Variants in RNF25 observed in about 807,000 individuals in gnomAD.
The protein encoded by RNF25 is ring finger protein 25.
Under a neutral mutation model 65.0 loss-of-function variants are expected in RNF25, and 32 were observed. The observed-to-expected ratio is 0.49, with a 90% CI of 0.37 to 0.66. The LOEUF (loss-of-function observed/expected upper bound fraction) is 0.66, where lower values mean the gene tolerates loss of function less well. Among genes scored for constraint, RNF25 ranks in the 30% least tolerant of loss-of-function variants. The pLI is 0.00. For synonymous variants in RNF25, 207 were observed against 221.2 expected (o/e 0.94, Z 0.57); for missense variants, 493 against 584.8 (o/e 0.84, Z 1.62).
chr2:218,666,966 C>T lies in RNF25; in HGVS notation c.358-736G>A, dbSNP rs759291259. ...GGTGGATAACCTGAGGTCAGGAGTT[C>T]AAGACCAGCCTGGCCAACATGGAGA... On this transcript the variant is annotated intron_variant, in intron 5 of 9. Transcript: ENST00000295704. 1.8e-4 allele frequency among the ~76,000 whole-genome samples: 27 copies of T among 151,978 alleles called. 1 individual carries two copies. The highest frequency in any genetic ancestry group is 3.4e-4 in the Non-Finnish European group (23 of 67,990).
intron 5 of RNF25, among the ~76,000 whole-genome samples, chr2:218,667,190 A>T (rs1328066070): frequency 6.7e-6 from 1 of 149,512 alleles, no homozygotes; most frequent in Non-Finnish European, 1.5e-5. Flanking sequence ...AATTAAAATT[A>T]ATAAATAAAC....
At chr2:218,666,775 G>C (rs143628718) in intron 5 of RNF25, among the ~76,000 whole-genome samples, 1 of 152,236 alleles carries the variant, frequency 6.6e-6, no homozygotes, top group East Asian at 1.9e-4. Context: ...CTGCATTGTG[G>C]AGGCCTGACC....
rs758139341 is a variant in RNF25, at chr2:218,664,794, C to T, written c.746G>A (p.Gly249Glu). 5.0e-6 allele frequency: 8 copies of T among 1,614,262 alleles called. 1 individual carries two copies. The South Asian group carries it at 7.7e-5, about 16-fold the overall frequency. ...KRLYQRQQER[G>E]GIIDLEAERN... ...CTCAGCCTCAAGGTCAATGATTCCCCCCCGCTCCTGCTGCCTCTGGTAGAG... is the reference window on the plus strand; with the variant it reads ...CTCAGCCTCAAGGTCAATGATTCCCTCCCGCTCCTGCTGCCTCTGGTAGAG... The change falls in exon 9 of 10, where the codon GGG (glycine) becomes GAG (glutamate). Residue 249 changes from glycine to glutamate, a missense_variant. By Grantham distance (98) the Gly-to-Glu change is moderately conservative (BLOSUM62 -2). Coordinates refer to ENST00000295704, the MANE Select transcript of RNF25 (RefSeq NM_022453.3). This position sits in a 1 kb window ranked among gnomAD's most constrained non-coding sequence, Gnocchi z 5.1.
chr2:218,666,119 G>A (rs1439799539), intron 6 of RNF25, 40 bp downstream of exon 6: 1 of 1,611,152 alleles, frequency 6.2e-7, no homozygotes, highest in East Asian at 2.2e-5. Flanking sequence ...CTCATCTGCT[G>A]GTCCCAAACA....
At chr2:218,667,207 G>C (rs929333791) in intron 5 of RNF25, among the ~76,000 whole-genome samples, 9 of 151,270 alleles carry the variant, frequency 5.9e-5, no homozygotes, top group Non-Finnish European at 4.4e-5. Context: ...AAACAAACTA[G>C]GGGAAAATAA....
Position 218,665,205 on chromosome 2 carries a change from C to A in RNF25, c.616G>T (p.Val206Leu), listed in dbSNP as rs1302519500. 6.2e-7 allele frequency: 1 copy of A among 1,614,154 alleles called. No homozygotes were observed. Among genetic ancestry groups the A allele is most frequent in the Non-Finnish European group, 8.5e-7 (1 of 1,180,018 alleles). Residue 206 changes from valine to leucine, a missense_variant, in exon 8 of 10, where the codon GTG (valine) becomes TTG (leucine). By Grantham distance (32) the Val-to-Leu change is conservative (BLOSUM62 1). Transcript: ENST00000295704. ...GCTTTCAGTGAGGCAAGATCATACA[C>A]GAGGGGCTCTCTGCACACTGGACAC... is the stretch of plus-strand genomic sequence containing the variant. ...VQCPVCREPLVYDLASLKAAP... is the reference protein window; with the variant it reads ...VQCPVCREPLLYDLASLKAAP...
Position 218,664,299 on chromosome 2 carries a change from G to A in RNF25, c.1038C>T (p.Pro346=). The change falls in exon 10 of 10, where the codon CCC becomes CCT. Residue 346 remains proline, a synonymous_variant. Coordinates refer to ENST00000295704, the MANE Select transcript of RNF25 (RefSeq NM_022453.3). The surrounding 1 kb of genome is among the most constrained non-coding windows in gnomAD (Gnocchi z 5.1). ...MLDPPKPSRG[P]WRQPERRHPK... ...GGTGCCTCCGTTCGGGCTGTCGCCA[G>A]GGACCTCGACTGGGCTTGGGGGGAT... The A allele has an allele frequency of 6.2e-7, 1 of 1,611,310 alleles. No homozygotes were observed. Among genetic ancestry groups the A allele is most frequent in the Non-Finnish European group, 8.5e-7 (1 of 1,177,740 alleles).
chr2:218,671,215 T>C (rs1939958724), intron 1 of RNF25, among the ~76,000 whole-genome samples: 1 of 151,702 alleles, frequency 6.6e-6, no homozygotes, highest in South Asian at 2.1e-4. Context: ...TTAAGTATAT[T>C]ACAAATCCGT....
chr2:218,666,067 G>T lies in RNF25; in HGVS notation c.430-8C>A. The T allele has an allele frequency of 6.2e-7, 1 of 1,613,358 alleles. No individual in the cohort carries two copies. The highest frequency in any genetic ancestry group is 1.1e-5 in the South Asian group (1 of 91,036). ...GGTAAAGGCCTCCTTCTCCTAGAGG[G>T]AAGGCAGATGTAGGGCACTAAGTCA... On this transcript the variant is annotated splice_region_variant and splice_polypyrimidine_tract_variant and intron_variant, in intron 6 of 9. Coordinates refer to ENST00000295704, the MANE Select transcript of RNF25 (RefSeq NM_022453.3).
In RNF25 at chr2:218,664,316, TG is replaced by T. The variant is rs745474265; in HGVS notation, c.1020del (p.Lys341SerfsTer45). The T allele has an allele frequency of 1.2e-6, 2 of 1,613,894 alleles. No homozygotes were observed. Among genetic ancestry groups the T allele is most frequent in the Admixed American group, 1.7e-5 (1 of 60,014 alleles). On this transcript the variant is annotated frameshift_variant, in exon 10 of 10. Coordinates refer to ENST00000295704, the MANE Select transcript of RNF25 (RefSeq NM_022453.3). LOFTEE classifies it high-confidence loss of function. This position sits in a 1 kb window ranked among gnomAD's most constrained non-coding sequence, Gnocchi z 5.1. The stretch of plus-strand genomic sequence containing the variant: ...TGTCGCCAGGGACCTCGACTGGGCT[TG>T]GGGGGATCTAGCATAGCTTTCTGGG... ...GETQKAMLDP[P>X]KPSRGPWRQP...
chr2:218,665,455 GC>G (rs1939803436), intron 7 of RNF25, among the ~76,000 whole-genome samples: 1 of 152,096 alleles, frequency 6.6e-6, no homozygotes, highest in Non-Finnish European at 1.5e-5. Flanking sequence ...ATATAAGGAT[GC>G]CCTGGCCAGG....
In RNF25 at chr2:218,664,789, T is replaced by A. The variant is rs149292427; in HGVS notation, c.751A>T (p.Ile251Phe). The change falls in exon 9 of 10, where the codon ATC becomes TTC. Residue 251 changes from isoleucine (I) to phenylalanine (F), a missense_variant. Around this residue, in one of 3 missense-constraint regions of RNF25, gnomAD observed 351 missense variants for 400.2 expected, o/e 0.88. Transcript: ENST00000295704. The surrounding 1 kb of genome is among the most constrained non-coding windows in gnomAD (Gnocchi z 5.1). The part of the protein sequence containing the change: ...LYQRQQERGG[I>F]IDLEAERNRY... ...TTTCGCTCAGCCTCAAGGTCAATGA[T>A]TCCCCCCCGCTCCTGCTGCCTCTGG... 2.5e-6 allele frequency: 4 copies of A among 1,614,118 alleles called. No individual in the cohort carries two copies. The highest frequency in any genetic ancestry group is 2.2e-5 in the East Asian group (1 of 44,890).
chr2:218,664,646 G>A lies in RNF25; in HGVS notation c.801+93C>T. On this transcript the variant is annotated intron_variant, in intron 9 of 9. Coordinates refer to ENST00000295704, the MANE Select transcript of RNF25 (RefSeq NM_022453.3). The surrounding 1 kb of genome is among the most constrained non-coding windows in gnomAD (Gnocchi z 5.1). ...ACCACGATCAGCCTATCATCTTCCT[G>A]GTTAGAACAAAGCTCACTCTGGGGC... The A allele has an allele frequency of 1.3e-6, 2 of 1,588,182 alleles. No individual in the cohort carries two copies.
chr2:218,669,908 G>A (rs948771731), intron 1 of RNF25, among the ~76,000 whole-genome samples: 1 of 152,102 alleles, frequency 6.6e-6, no homozygotes, highest in South Asian at 2.1e-4. Flanking sequence ...ATGGCTCAAG[G>A]TGTCTCCCCT....
rs1939876984 is a variant in RNF25 at position 218,668,150 on chromosome 2, G to A, written c.220-4C>T. ...TCTGTGGCACCTCATGGGGATACTA[G>A]TGGGGGCAAATAACAAGTTACTGCT... is the stretch of plus-strand genomic sequence containing the variant. On this transcript the variant is annotated splice_region_variant and splice_polypyrimidine_tract_variant and intron_variant, in intron 3 of 9. Coordinates refer to ENST00000295704, the MANE Select transcript of RNF25 (RefSeq NM_022453.3). 4 of 1,614,136 alleles carry A rather than the reference G, an allele frequency of 2.5e-6. No homozygotes were observed. Among genetic ancestry groups the A allele is most frequent in the Non-Finnish European group, 3.4e-6 (4 of 1,179,948 alleles).
At chr2:218,669,005 G>A (rs547390215) in intron 1 of RNF25, among the ~76,000 whole-genome samples, 2 of 152,336 alleles carry the variant, frequency 1.3e-5, no homozygotes, top group South Asian at 4.1e-4. Context: ...ATTCCCCTTA[G>A]TGGCTGAATC....
At position 218,664,474 on chromosome 2, in the gene RNF25, C is replaced by G; in HGVS notation, c.863G>C (p.Ser288Thr). 6.2e-7 allele frequency: 1 copy of G among 1,614,018 alleles called. No homozygotes were observed. Among genetic ancestry groups the G allele is most frequent in the Non-Finnish European group, 8.5e-7 (1 of 1,180,006 alleles). Residue 288 changes from serine to threonine, a missense_variant, in exon 10 of 10, where the codon AGC (serine) becomes ACC (threonine). Ser to Thr is a moderately conservative substitution (Grantham distance 58, BLOSUM62 1). Transcript: ENST00000295704. The surrounding 1 kb of genome is among the most constrained non-coding windows in gnomAD (Gnocchi z 5.1). ...VDVSKGSQPPSTLAAELSTSP... is the reference protein window; with the variant it reads ...VDVSKGSQPPTTLAAELSTSP... ...GGTGGATAGTTCTGCTGCAAGGGTG[C>G]TGGGTGGTTGGGATCCTTTGGAGAC...
rs765826781 is a variant in RNF25, at chr2:218,665,905, G to A, written c.573+11C>T. On this transcript the variant is annotated intron_variant, in intron 7 of 9. Transcript: ENST00000295704. ...GGTGTCAGATGAGTGTGCAGGTGCA[G>A]TGAGGTCTACCTGTTTGGTTGTAGC... is the stretch of plus-strand genomic sequence containing the variant. 1.2e-6 allele frequency: 2 copies of A among 1,610,640 alleles called. No individual in the cohort carries two copies. The highest frequency in any genetic ancestry group is 4.5e-5 in the East Asian group (2 of 44,830).
At chr2:218,666,293 A>G in intron 5 of RNF25, 63 bp from the exon 6 acceptor site, 1 of 1,344,672 alleles carries the variant, frequency 7.4e-7, no homozygotes, top group Non-Finnish European at 1.1e-6. Flanking sequence ...AGGCCTGTCT[A>G]CTACTCCTAG....
Sources: allele counts gnomAD v4.1 joint callset (sites outside exome capture counted in the v4.1 genomes callset), GRCh38; gene constraint gnomAD v4.1.1; regional missense constraint gnomAD v4.1.1; non-coding constraint Gnocchi (gnomAD v3.1); transcripts MANE v1.5; gene names NCBI Gene and HGNC (gene_info 2026-07-23, HGNC 2026-07-21).